Variants in CIMAP2 observed in about 807,000 individuals in gnomAD.
The protein encoded by CIMAP2 is ciliary microtubule associated protein 2.
the CIMAP2 span, chr1:54,814,872 C>G: frequency 3.7e-6 from 6 of 1,612,546 alleles, no homozygotes; most frequent in Non-Finnish European, 5.1e-6. Flanking sequence ...GCTGACACTG[C>G]CAGAGCCTCT....
the CIMAP2 span, among the ~76,000 whole-genome samples, chr1:54,826,287 T>C: frequency 6.6e-6 from 1 of 152,192 alleles, no homozygotes; most frequent in Non-Finnish European, 1.5e-5. Flanking sequence ...ACTTCAGCTT[T>C]CTTTGCCCTA....
chr1:54,842,034 C>T, the CIMAP2 span: 1 of 697,480 alleles, frequency 1.4e-6, no homozygotes, highest in Non-Finnish European at 2.4e-6. Context: ...GCCAGAGCTG[C>T]ATACCTGAAG....
the CIMAP2 span, among the ~76,000 whole-genome samples, chr1:54,809,837 C>T: frequency 2.0e-5 from 3 of 151,226 alleles, no homozygotes; most frequent in East Asian, 5.9e-4. Flanking sequence ...CACCTTCCCT[C>T]GTACCTGTCT....
the CIMAP2 span, among the ~76,000 whole-genome samples, chr1:54,811,178 G>T: frequency 6.6e-6 from 1 of 152,208 alleles, no homozygotes; most frequent in African/African-American, 2.4e-5. Flanking sequence ...AGGCAGCAGA[G>T]CCAGGATCTG....
At chr1:54,811,765 G>GCCGGCGGGGGGGGCCCCCCCCCC in the CIMAP2 span, 1 of 1,301,332 alleles carries the variant, frequency 7.7e-7, no homozygotes, top group Non-Finnish European at 1.1e-6. Flanking sequence ...GGTTCTGACA[G>GCCGGCGGGGGGGGCCCCCCCCCC]CCTCCATGCC....
chr1:54,815,182 A>G, the CIMAP2 span: 8 of 1,239,344 alleles, frequency 6.5e-6, no homozygotes, highest in East Asian at 4.8e-5. Context: ...CCTGAGGTCC[A>G]CTCCCACTGT....
At chr1:54,841,385 G>A in the CIMAP2 span, among the ~76,000 whole-genome samples, 5 of 152,192 alleles carry the variant, frequency 3.3e-5, no homozygotes, top group Non-Finnish European at 7.3e-5. Flanking sequence ...GAAAGAATTG[G>A]AGCAGTGGAG....
the CIMAP2 span, among the ~76,000 whole-genome samples, chr1:54,815,320 G>A: frequency 3.9e-5 from 6 of 152,236 alleles, no homozygotes; most frequent in South Asian, 1.2e-3. Context: ...GTTGGGACAT[G>A]GGAATTTGCA....
the CIMAP2 span, among the ~76,000 whole-genome samples, chr1:54,831,967 C>T: frequency 6.6e-6 from 1 of 152,226 alleles, no homozygotes; most frequent in Non-Finnish European, 1.5e-5. Flanking sequence ...CCACCTCAGC[C>T]TTCCAAGTAG....
chr1:54,815,299 A>T, the CIMAP2 span, among the ~76,000 whole-genome samples: 1 of 152,372 alleles, frequency 6.6e-6, no homozygotes, highest in South Asian at 2.1e-4. Flanking sequence ...CTTCTGATAC[A>T]GTAGGCCTGG....
chr1:54,836,480 G>A, the CIMAP2 span, among the ~76,000 whole-genome samples: 14 of 151,848 alleles, frequency 9.2e-5, no homozygotes, highest in Middle Eastern at 3.2e-3. Context: ...TGGGCTGGAG[G>A]GGTGATCACT....
At chr1:54,812,002 A>T in the CIMAP2 span, 1 of 1,614,044 alleles carries the variant, frequency 6.2e-7, no homozygotes, top group Non-Finnish European at 8.5e-7. Flanking sequence ...CAGAGGGGGA[A>T]GCTGAGCTCT....
At chr1:54,808,616 GGA>G in the CIMAP2 span, among the ~76,000 whole-genome samples, 9,227 of 139,660 alleles carry the variant, frequency 0.066, 2,117 homozygotes, top group East Asian at 0.2. Context: ...TGCTGCCGGG[GGA>G]GGGCAGTGGA....
the CIMAP2 span, among the ~76,000 whole-genome samples, chr1:54,832,705 A>G: frequency 6.6e-6 from 1 of 152,166 alleles, no homozygotes; most frequent in Non-Finnish European, 1.5e-5. Context: ...AAAAATCAAA[A>G]TAAATAAAAA....
At chr1:54,828,216 C>T in the CIMAP2 span, among the ~76,000 whole-genome samples, 3 of 152,074 alleles carry the variant, frequency 2.0e-5, no homozygotes, top group South Asian at 4.2e-4. Context: ...ATTTTAAAAC[C>T]GTAGAGCTAG....
At chr1:54,841,592 G>A in the CIMAP2 span, 1 of 1,614,122 alleles carries the variant, frequency 6.2e-7, no homozygotes, top group Admixed American at 1.7e-5. Flanking sequence ...AACTGAGTGT[G>A]AATTGCTGTA....
At chr1:54,841,682 C>G in the CIMAP2 span, 6 of 1,603,562 alleles carry the variant, frequency 3.7e-6, no homozygotes, top group Non-Finnish European at 5.1e-6. Context: ...TGTAGGATCT[C>G]CTGTGAAGCA....
the CIMAP2 span, among the ~76,000 whole-genome samples, chr1:54,839,387 T>C: frequency 4.6e-4 from 3 of 6,518 alleles, no homozygotes; most frequent in African/African-American, 2.1e-3. Context: ...TATTTATTTA[T>C]TTTTCGAGAC....
At chr1:54,839,524 C>A in the CIMAP2 span, among the ~76,000 whole-genome samples, 24 of 151,854 alleles carry the variant, frequency 1.6e-4, 1 homozygote, top group Admixed American at 1.4e-3. Flanking sequence ...ATTACAGGCA[C>A]CTGCCACCAC....
Sources: gnomAD v4.1 joint callset for allele counts (sites outside exome capture counted in the v4.1 genomes callset) on GRCh38, gnomAD v4.1.1 for gene constraint, MANE v1.5 for transcripts, NCBI Gene and HGNC (gene_info 2026-07-23, HGNC 2026-07-21) for gene names.